Variants in TANGO6 observed in about 807,000 individuals in gnomAD.
TANGO6 encodes the protein transport and golgi organization 6 homolog.
A neutral mutation model predicts 114.2 loss-of-function variants in TANGO6; 90 were observed. The ratio of observed to expected loss-of-function variants is 0.79; its 90% confidence interval spans 0.66 to 0.94. The LOEUF (loss-of-function observed/expected upper bound fraction) is 0.94, where lower values mean the gene tolerates loss of function less well. Ranked by LOEUF, TANGO6 falls within the 40% of genes least tolerant of loss-of-function variation. The probability of loss-of-function intolerance (pLI) is 0.00; values close to 1 mark genes in which losing one functional copy is unlikely to be tolerated. For missense variants in TANGO6, 1,274 were observed against 1,315.3 expected, an observed-to-expected ratio of 0.97 and a Z score of 0.49; for synonymous variants, 477 against 509.8, an observed-to-expected ratio of 0.94 and a Z score of 0.87.
In TANGO6 at chr16:68,982,456, A is replaced by G. The variant is rs1295809103; in HGVS notation, c.2842+8288A>G. On this transcript the variant is annotated intron_variant, in intron 15 of 17. Coordinates refer to ENST00000261778, the MANE Select transcript of TANGO6 (RefSeq NM_024562.2). Reference sequence around the variant, plus strand: ...GCGATTCTCCTGCTTCAGTCTCCTGAGTAGCTGGGATTACAGGTGCCTGCC... The same window carrying G: ...GCGATTCTCCTGCTTCAGTCTCCTGGGTAGCTGGGATTACAGGTGCCTGCC... Among the ~76,000 whole-genome samples the G allele has an allele frequency of 2.0e-5, 3 of 151,922 alleles. No homozygotes were observed. In the East Asian group the frequency reaches 5.8e-4, roughly 29 times the overall value.
At chr16:68,984,956 A>T (rs1597047791) in intron 15 of TANGO6, among the ~76,000 whole-genome samples, 1 of 151,576 alleles carries the variant, frequency 6.6e-6, no homozygotes, top group Non-Finnish European at 1.5e-5. Flanking sequence ...ATTACACTGT[A>T]TGTATATATA....
intron 17 of TANGO6, among the ~76,000 whole-genome samples, chr16:69,079,333 CAAAT>C (rs61531560): frequency 3.3e-5 from 5 of 150,622 alleles, no homozygotes; most frequent in Non-Finnish European, 7.4e-5. Flanking sequence ...GTCTCAAAAA[CAAAT>C]AAATAAATAA....
intron 9 of TANGO6, among the ~76,000 whole-genome samples, chr16:68,905,610 C>T (rs1250358602): frequency 6.6e-6 from 1 of 151,910 alleles, no homozygotes; most frequent in Non-Finnish European, 1.5e-5. Flanking sequence ...ATCTTTGTCT[C>T]TTGTCAGAAT....
chr16:69,048,152 A>G (rs1169256932), intron 17 of TANGO6, among the ~76,000 whole-genome samples: 1 of 151,842 alleles, frequency 6.6e-6, no homozygotes, highest in Non-Finnish European at 1.5e-5. Context: ...GCGCAATATC[A>G]GCTCACTGCT....
chr16:68,956,202 A>G (rs1237841887), intron 14 of TANGO6, among the ~76,000 whole-genome samples: 2 of 152,214 alleles, frequency 1.3e-5, no homozygotes, highest in African/African-American at 4.8e-5. Context: ...TAACATATTT[A>G]AAACACTTTA....
chr16:68,980,298 A>G (rs1046315352), intron 15 of TANGO6, among the ~76,000 whole-genome samples: 2 of 149,614 alleles, frequency 1.3e-5, no homozygotes, highest in Non-Finnish European at 3.0e-5. Context: ...AGGTAAATCT[A>G]TCTTTTACCT....
chr16:68,931,984 A>G (rs922213607), intron 14 of TANGO6, among the ~76,000 whole-genome samples: 6 of 152,036 alleles, frequency 3.9e-5, no homozygotes, highest in Admixed American at 3.3e-4. Flanking sequence ...CCTCCTGAGT[A>G]CAGGCATCAG....
intron 17 of TANGO6, among the ~76,000 whole-genome samples, chr16:69,067,464 G>A (rs958035607): frequency 2.1e-5 from 3 of 140,728 alleles, no homozygotes; most frequent in African/African-American, 8.1e-5. Context: ...GTTGCAGTGA[G>A]CCAAGATTGC....
chr16:68,954,350 A>C (rs1018182828), intron 14 of TANGO6, among the ~76,000 whole-genome samples: 1 of 151,938 alleles, frequency 6.6e-6, no homozygotes, highest in African/African-American at 2.4e-5. Flanking sequence ...CAAGAACTGC[A>C]TGAACGCCTG....
intron 16 of TANGO6, among the ~76,000 whole-genome samples, chr16:69,030,887 TA>T (rs138651362): frequency 5.4e-4 from 78 of 144,872 alleles, no homozygotes; most frequent in Admixed American, 4.9e-4. Flanking sequence ...CCGTCTCTAC[TA>T]AAAAAAAAAA....
intron 15 of TANGO6, among the ~76,000 whole-genome samples, chr16:68,981,539 T>C (rs1372743986): frequency 6.6e-6 from 1 of 152,202 alleles, no homozygotes; most frequent in Non-Finnish European, 1.5e-5. Context: ...TCTCTTAAAA[T>C]ATAACATATT....
At chr16:69,065,636 A>C (rs535169035) in intron 17 of TANGO6, among the ~76,000 whole-genome samples, 2 of 152,186 alleles carry the variant, frequency 1.3e-5, no homozygotes, top group Non-Finnish European at 2.9e-5. Flanking sequence ...AGGTTTTTGA[A>C]AAGCTCAGTA....
intron 4 of TANGO6, among the ~76,000 whole-genome samples, chr16:68,874,386 A>G (rs1161469579): frequency 6.6e-6 from 1 of 152,216 alleles, no homozygotes; most frequent in Non-Finnish European, 1.5e-5. Context: ...CTCAGGGATC[A>G]GTGTCCTGGG....
intron 17 of TANGO6, among the ~76,000 whole-genome samples, chr16:69,049,990 A>G (rs943463013): frequency 4.6e-5 from 7 of 152,206 alleles, no homozygotes; most frequent in Non-Finnish European, 1.0e-4. Context: ...TGATGGACAT[A>G]TAGGATGTTT....
At chr16:68,879,839 G>A (rs4328433) in intron 6 of TANGO6, among the ~76,000 whole-genome samples, 39,772 of 151,516 alleles carry the variant, frequency 0.26, 5,703 homozygotes, top group African/African-American at 0.4. Context: ...GATGGTCTCA[G>A]TCTCCTGACC....
At chr16:68,847,296 T>C (rs554032107) in intron 1 of TANGO6, among the ~76,000 whole-genome samples, 1 of 152,196 alleles carries the variant, frequency 6.6e-6, no homozygotes, top group Non-Finnish European at 1.5e-5. Flanking sequence ...TGACCTAGTA[T>C]TATTATGAAA....
At chr16:69,037,896 C>G (rs2152233537) in intron 16 of TANGO6, among the ~76,000 whole-genome samples, 1 of 152,350 alleles carries the variant, frequency 6.6e-6, no homozygotes, top group East Asian at 1.9e-4. Context: ...TCTGCCATCA[C>G]TGATTAATTA....
intron 17 of TANGO6, among the ~76,000 whole-genome samples, chr16:69,066,161 G>A (rs952158102): frequency 2.6e-5 from 4 of 152,012 alleles, no homozygotes; most frequent in African/African-American, 7.3e-5. Flanking sequence ...CCGCATCTAC[G>A]CCACCTCCCT....
At chr16:68,914,953 A>G (rs1250729525) in intron 11 of TANGO6, among the ~76,000 whole-genome samples, 2 of 130,446 alleles carry the variant, frequency 1.5e-5, no homozygotes, top group African/African-American at 6.5e-5. Context: ...ACTTGTTTTG[A>G]TATCTACACA....
Sources: gnomAD v4.1 joint callset for allele counts (sites outside exome capture counted in the v4.1 genomes callset) on GRCh38, gnomAD v4.1.1 for gene constraint, MANE v1.5 for transcripts, NCBI Gene and HGNC (gene_info 2026-07-23, HGNC 2026-07-21) for gene names.